Variants in SGIP1 observed in about 807,000 individuals in gnomAD.
SGIP1 encodes the protein SH3GL interacting endocytic adaptor 1, also known as SH3-containing GRB2-like protein 3-interacting protein 1.
A neutral mutation model predicts 107.5 loss-of-function variants in SGIP1; 38 were observed. The ratio of observed to expected loss-of-function variants is 0.35; its 90% CI spans 0.27 to 0.46. The LOEUF (loss-of-function observed/expected upper bound fraction) is 0.46. SGIP1 is among the 20% of genes least tolerant of loss of function. The pLI is 1.00. For synonymous variants in SGIP1, 365 were observed against 366.1 expected, an observed-to-expected ratio of 1.00 and a Z score of 0.03; for missense variants, 929 against 1,019.5, an observed-to-expected ratio of 0.91 and a Z score of 1.21.
At chr1:66,533,434 A>T (rs1276369417), upstream of SGIP1, 1 of 152,170 alleles carries the variant, frequency 6.6e-6, no homozygotes, top group Admixed American at 6.5e-5. Flanking sequence ...CTTTGTTTTA[A>T]TGACAGTTCC....
At chr1:66,642,511 T>C (rs900307901) in intron 5 of SGIP1, among the ~76,000 whole-genome samples, 1 of 152,210 alleles carries the variant, frequency 6.6e-6, no homozygotes, top group Admixed American at 6.5e-5. Flanking sequence ...ACATTTCTTA[T>C]CACCCATGTT....
At chr1:66,613,823 T>C (rs1003444730) in intron 1 of SGIP1, among the ~76,000 whole-genome samples, 2 of 152,108 alleles carry the variant, frequency 1.3e-5, no homozygotes, top group African/African-American at 2.4e-5. Context: ...TGGTCTCTGA[T>C]TGCACATAAT....
chr1:66,642,349 G>T (rs2076947867), intron 5 of SGIP1, among the ~76,000 whole-genome samples: 1 of 151,990 alleles, frequency 6.6e-6, no homozygotes, highest in Non-Finnish European at 1.5e-5. Flanking sequence ...TGTCTGTCCT[G>T]AAAGACCCAT....
chr1:66,695,271 A>AAAAAAAAAAATT, intron 17 of SGIP1, 163 bp from the exon 18 acceptor site: 11 of 1,325,924 alleles, frequency 8.3e-6, no homozygotes, highest in South Asian at 2.0e-5. Flanking sequence ...AAAAAAAAAA[A>AAAAAAAAAAATT]GTGTAGATTG....
Position 66,739,514 on chromosome 1 carries a change from G to C in SGIP1, c.2211G>C (p.Gln737His). 1 of 1,614,002 alleles carries C rather than the reference G, an allele frequency of 6.2e-7. No homozygotes were observed. The highest frequency in any genetic ancestry group is 8.5e-7 in the Non-Finnish European group (1 of 1,180,030). The part of the protein sequence containing the change: ...VPIDGGVTKL[Q>H]AVLPPAVWNA... ...TCGACGGAGGAGTCACCAAGCTCCA[G>C]GCAGTGCTCCCACCAGCAGTCTGGT... is the stretch of plus-strand genomic sequence containing the variant. The change falls in exon 22 of 25, where the codon CAG becomes CAC. Residue 737 changes from glutamine (Q) to histidine (H), a missense_variant. This residue lies in a region of SGIP1 where 341 missense variants were observed against 430.9 expected (regional missense o/e 0.79). Coordinates refer to ENST00000371037, the MANE Select transcript of SGIP1 (RefSeq NM_032291.4).
intron 8 of SGIP1, among the ~76,000 whole-genome samples, chr1:66,663,961 A>G (rs1261961874): frequency 1.3e-5 from 2 of 152,166 alleles, no homozygotes; most frequent in Admixed American, 1.3e-4. Flanking sequence ...AGTGTCTTAT[A>G]TGTAAGGTTT....
chr1:66,729,489 A>G (rs1286815695), intron 20 of SGIP1, 70 bp downstream of exon 20: 100 of 1,569,754 alleles, frequency 6.4e-5, no homozygotes, highest in Non-Finnish European at 8.7e-5. Context: ...GATGAGGGAT[A>G]TATCTTAGCA....
chr1:66,668,688 T>C (rs1271204112), intron 9 of SGIP1, among the ~76,000 whole-genome samples: 1 of 152,236 alleles, frequency 6.6e-6, no homozygotes, highest in Non-Finnish European at 1.5e-5. Flanking sequence ...AGTTGGTGGT[T>C]CTCTGCTAAA....
intron 20 of SGIP1, among the ~76,000 whole-genome samples, chr1:66,731,265 G>T (rs892713154): frequency 6.6e-6 from 1 of 152,080 alleles, no homozygotes; most frequent in African/African-American, 2.4e-5. Flanking sequence ...TGCACGTTGA[G>T]CCAGTTTATT....
At chr1:66,591,705 G>T (rs2063659017) in intron 1 of SGIP1, among the ~76,000 whole-genome samples, 1 of 152,180 alleles carries the variant, frequency 6.6e-6, no homozygotes, top group South Asian at 2.1e-4. Flanking sequence ...GCATAGGGAG[G>T]ACCAGCGCGG....
At chr1:66,621,178 C>G (rs1046694716) in intron 1 of SGIP1, among the ~76,000 whole-genome samples, 1 of 152,186 alleles carries the variant, frequency 6.6e-6, no homozygotes, top group Non-Finnish European at 1.5e-5. Flanking sequence ...AGCTGGATGT[C>G]TGCTGTAAAT....
chr1:66,581,227 T>G (rs1321853559), intron 1 of SGIP1, among the ~76,000 whole-genome samples: 1 of 152,092 alleles, frequency 6.6e-6, no homozygotes, highest in Admixed American at 6.6e-5. Context: ...CATAGTACAG[T>G]GGTTTAAGAG....
At chr1:66,718,122 G>T (rs1469346596) in intron 18 of SGIP1, among the ~76,000 whole-genome samples, 1 of 152,070 alleles carries the variant, frequency 6.6e-6, no homozygotes, top group African/African-American at 2.4e-5. Context: ...TGAGGAGGGA[G>T]GTGTACAAAT....
intron 14 of SGIP1, among the ~76,000 whole-genome samples, chr1:66,680,179 G>T (rs1044297175): frequency 2.6e-5 from 4 of 152,118 alleles, no homozygotes; most frequent in South Asian, 2.1e-4. Flanking sequence ...GACATAAAAT[G>T]GTTCCCAGGG....
At chr1:66,740,561 T>C in intron 22 of SGIP1, 97 bp from the exon 23 acceptor site, 2 of 746,162 alleles carry the variant, frequency 2.7e-6, no homozygotes, top group Non-Finnish European at 4.5e-6. Context: ...TTTCAAGCTC[T>C]ATTTTAAAAA....
intron 19 of SGIP1, among the ~76,000 whole-genome samples, chr1:66,722,497 C>A (rs1293210326): frequency 1.3e-5 from 2 of 152,096 alleles, no homozygotes; most frequent in African/African-American, 4.8e-5. Context: ...CTAAACAGGA[C>A]AAGGCATATT....
At chr1:66,620,931 C>G (rs1037132120) in intron 1 of SGIP1, among the ~76,000 whole-genome samples, 10 of 152,218 alleles carry the variant, frequency 6.6e-5, no homozygotes, top group African/African-American at 2.4e-4. Context: ...TACTGCCTCT[C>G]TTTTAACACA....
chr1:66,686,021 A>T (rs530322586), intron 15 of SGIP1, among the ~76,000 whole-genome samples: 1 of 151,394 alleles, frequency 6.6e-6, no homozygotes, highest in Admixed American at 6.5e-5. Flanking sequence ...AGTTTTTCAC[A>T]TATCTCAAAG....
intron 14 of SGIP1, among the ~76,000 whole-genome samples, chr1:66,681,213 G>A (rs1199940098): frequency 1.3e-5 from 2 of 152,130 alleles, no homozygotes; most frequent in African/African-American, 2.4e-5. Context: ...TGTGTGTGGG[G>A]TGTATATATC....
Sources: allele counts gnomAD v4.1 joint callset (sites outside exome capture counted in the v4.1 genomes callset), GRCh38; gene constraint gnomAD v4.1.1; regional missense constraint gnomAD v4.1.1; transcripts MANE v1.5; gene names NCBI Gene and HGNC (gene_info 2026-07-23, HGNC 2026-07-21).